The following REEP4 variants were observed in gnomAD, a reference collection of about 807,000 sequenced individuals.
The protein encoded by REEP4 is receptor expression-enhancing protein 4.
A neutral mutation model predicts 33.5 loss-of-function variants in REEP4; 17 were observed. The observed-to-expected ratio is 0.51, with a 90% confidence interval of 0.35 to 0.76. REEP4 has a LOEUF of 0.76. Among genes scored for constraint, REEP4 ranks in the 30% least tolerant of loss-of-function variants. The pLI, the probability that REEP4 is intolerant of heterozygous loss-of-function variation, is 0.01. For missense variants in REEP4, 340 were observed against 357.9 expected (o/e 0.95, Z 0.40); for synonymous variants, 157 against 142.9 (o/e 1.10, Z -0.70).
In REEP4 at chr8:22,141,496, G is replaced by A. The variant is rs1363672738; in HGVS notation, c.-14C>T. 7.6e-6 allele frequency: 12 copies of A among 1,587,974 alleles called. No individual in the cohort carries two copies. The highest frequency in any genetic ancestry group is 1.0e-5 in the Non-Finnish European group (12 of 1,168,484). ...CCAGGACACCATCTTGCCGGCCTTT[G>A]GGACGTGGGGAGGACCCCAGGAAGC... On this transcript the variant is annotated 5_prime_UTR_variant, in exon 1 of 8. Coordinates refer to ENST00000306306, the MANE Select transcript of REEP4 (RefSeq NM_025232.4).
intron 1 of REEP4, 79 bp from the exon 2 acceptor site, chr8:22,140,776 G>C (rs1827217254): frequency 4.7e-6 from 6 of 1,281,950 alleles, no homozygotes; most frequent in Non-Finnish European, 6.6e-6. Context: ...CCCCCCACTG[G>C]GGTGCAAGGT....
chr8:22,141,138 C>A (rs1488739738), intron 1 of REEP4, among the ~76,000 whole-genome samples: 1 of 152,260 alleles, frequency 6.6e-6, no homozygotes, highest in African/African-American at 2.4e-5. Context: ...GGATTCTCCG[C>A]CCACAACGTG....
intron 5 of REEP4, 94 bp downstream of exon 5, chr8:22,139,322 G>A: frequency 8.9e-7 from 1 of 1,117,690 alleles, no homozygotes; most frequent in Non-Finnish European, 1.3e-6. Flanking sequence ...CTCCCCGGCT[G>A]CCATCTCTGG....
intron 4 of REEP4, 92 bp downstream of exon 4, chr8:22,139,871 C>A: frequency 1.4e-6 from 2 of 1,475,528 alleles, no homozygotes; most frequent in East Asian, 2.5e-5. Flanking sequence ...TGGGATAGAA[C>A]CCCGGTGTCC....
In REEP4 at chr8:22,140,710, C is replaced by A. The variant is rs193285308; in HGVS notation, c.33-13G>T. On this transcript the variant is annotated splice_polypyrimidine_tract_variant and intron_variant, in intron 1 of 7. Transcript: ENST00000306306. ...CCCAAACACCAGCCTGGAAGAGCAG[C>A]CATGGGGAGTGTGAGGGGCACCATG... 1.9e-5 allele frequency: 30 copies of A among 1,608,142 alleles called. No individual in the cohort carries two copies. The highest frequency in any genetic ancestry group is 2.4e-5 in the Non-Finnish European group (28 of 1,176,988).
In REEP4 at chr8:22,138,993, TGCGTCAGA is replaced by T. The variant is rs1293195462; in HGVS notation, c.478_485del (p.Ser160ThrfsTer7). The T allele has an allele frequency of 6.2e-7, 1 of 1,607,594 alleles. No homozygotes were observed. The highest frequency in any genetic ancestry group is 8.5e-7 in the Non-Finnish European group (1 of 1,177,532). On this transcript the variant is annotated frameshift_variant, in exon 6 of 8. Coordinates refer to ENST00000306306, the MANE Select transcript of REEP4 (RefSeq NM_025232.4). LOFTEE classifies it high-confidence loss of function. ...GGGGGTCATGGTAGGCAGGGGCAGG[TGCGTCAGA>T]GATGGAGCGCAGGTCCTGCATGGAG...
Position 22,138,207 on chromosome 8 carries a change from G to A in REEP4, c.*280C>T. 2 of 622,452 alleles carry A rather than the reference G, an allele frequency of 3.2e-6. No homozygotes were observed. The highest frequency in any genetic ancestry group is 2.7e-5 in the East Asian group (1 of 36,530). The allele number at this position is 622,452 out of a possible 1,614,324, so 38.6% of individuals were successfully genotyped here. On this transcript the variant is annotated 3_prime_UTR_variant, in exon 8 of 8. Transcript: ENST00000306306. ...TTGCAGGGGTTCAGGGAGGGTTGCA[G>A]GGGTTCAGGGAGGGCTCTTGTCCCA...
At chr8:22,138,831 C>G in intron 6 of REEP4, 38 bp from the exon 7 acceptor site, 1 of 1,566,816 alleles carries the variant, frequency 6.4e-7, no homozygotes, top group Admixed American at 2.1e-5. Context: ...AGCCTGCGAC[C>G]AGGCCAGCCC....
chr8:22,140,457 G>A (rs1293516231), intron 2 of REEP4, 168 bp downstream of exon 2: 14 of 690,732 alleles, frequency 2.0e-5, no homozygotes, highest in African/African-American at 1.1e-4. Flanking sequence ...CAGGCACCCC[G>A]ATGGCCTGCC....
In REEP4 at chr8:22,138,708, C is replaced by T; in HGVS notation, c.639G>A (p.Arg213=). The stretch of plus-strand genomic sequence containing the variant: ...TGCGGATTAGGGGCTTCTCTCGGGG[C>T]CGGGCTGGCGCCCGGGGGACTGCCT... The part of the protein sequence containing the change: ...DTEAVPRAPA[R]PREKPLIRSQ... Residue 213 remains arginine (R), a synonymous_variant, in exon 7 of 8, where the codon CGG becomes CGA. Coordinates refer to ENST00000306306, the MANE Select transcript of REEP4 (RefSeq NM_025232.4). 1 of 1,613,024 alleles carries T rather than the reference C, an allele frequency of 6.2e-7. No homozygotes were observed. Among genetic ancestry groups the T allele is most frequent in the Non-Finnish European group, 8.5e-7 (1 of 1,179,796 alleles).
Position 22,138,459 on chromosome 8 carries a change from G to C in REEP4, c.*28C>G, listed in dbSNP as rs1275231098. The C allele has an allele frequency of 2.5e-6, 4 of 1,611,822 alleles. No homozygotes were observed. The highest frequency in any genetic ancestry group is 3.4e-6 in the Non-Finnish European group (4 of 1,179,736). ...AGCCCTGGAGCCCTGCAGGGCACGA[G>C]GTAAGAAGGGGGCAGATGCAGCAGA... On this transcript the variant is annotated 3_prime_UTR_variant, in exon 8 of 8. Transcript: ENST00000306306.
Position 22,140,155 on chromosome 8 carries a change from G to C in REEP4, c.182+17C>G. 1.2e-6 allele frequency: 2 copies of C among 1,613,784 alleles called. No individual in the cohort carries two copies. Among genetic ancestry groups the C allele is most frequent in the Non-Finnish European group, 1.7e-6 (2 of 1,179,952 alleles). ...GGGCCACCCCTGACCCATGGCTTGC[G>C]GACCCTGCGTCCATACCAGGAGATA... On this transcript the variant is annotated intron_variant, in intron 3 of 7. Transcript: ENST00000306306.
At position 22,141,842 on chromosome 8, in the gene REEP4, C is replaced by T. The variant is rs1282564986; in HGVS notation, c.-360G>A. On this transcript the variant is annotated 5_prime_UTR_variant, in exon 1 of 8. Transcript: ENST00000306306. ...GCGGGTCGCCGCGGTTCCAGCGCGC[C>T]GGGCCACCAGCACCGGCCTACAGGG... 2.1e-5 allele frequency: 6 copies of T among 279,954 alleles called. No individual in the cohort carries two copies. Among genetic ancestry groups the T allele is most frequent in the East Asian group, 1.9e-4 (3 of 15,428 alleles). The allele number at this position is 279,954 out of a possible 1,614,324, so 17.3% of individuals were successfully genotyped here. A position where few individuals can be genotyped will look rare whatever the true frequency, so the allele number is the denominator to read the frequency against.
In REEP4 at chr8:22,141,600, T is replaced by C; in HGVS notation, c.-118A>G. 5.5e-6 allele frequency: 6 copies of C among 1,099,166 alleles called. No homozygotes were observed. Among genetic ancestry groups the C allele is most frequent in the South Asian group, 1.7e-5 (1 of 58,950 alleles). 68.1% of individuals were successfully genotyped at this position (1,099,166 alleles called of 1,614,324 possible). On this transcript the variant is annotated 5_prime_UTR_variant, in exon 1 of 8. Coordinates refer to ENST00000306306, the MANE Select transcript of REEP4 (RefSeq NM_025232.4). ...GCGGGAAGCAGAGGGGCGATCCGGC[T>C]GTCCCTCGGCGGAGGCAGAGCCCGC...
At chr8:22,141,414 C>T in intron 1 of REEP4, 37 bp downstream of exon 1, 1 of 1,593,818 alleles carries the variant, frequency 6.3e-7, no homozygotes, top group Admixed American at 1.8e-5. Context: ...GGGACGGCAC[C>T]CCGGGGTAGA....
At chr8:22,139,203 A>C (rs1210279904) in intron 5 of REEP4, 142 bp from the exon 6 acceptor site, 1 of 1,204,928 alleles carries the variant, frequency 8.3e-7, no homozygotes, top group Non-Finnish European at 1.2e-6. Context: ...AGGAAACCAA[A>C]GTCAGAGAGC....
At position 22,138,588 on chromosome 8, in the gene REEP4, G is replaced by A. The variant is rs752632213; in HGVS notation, c.709-36C>T. 1.5e-5 allele frequency: 25 copies of A among 1,613,756 alleles called. No individual in the cohort carries two copies. The Admixed American group carries it at 2.0e-4, about 13-fold the overall frequency. On this transcript the variant is annotated intron_variant, in intron 7 of 7. Transcript: ENST00000306306. ...GGGAGGCACAGCATGAGGGTGTGGG[G>A]AGCACCAGCCAGCAGAGCCCTCCTC...
In REEP4 at chr8:22,138,470, G is replaced by A. The variant is rs1420484540; in HGVS notation, c.*17C>T. 7 of 1,612,802 alleles carry A rather than the reference G, an allele frequency of 4.3e-6. No individual in the cohort carries two copies. The highest frequency in any genetic ancestry group is 5.9e-6 in the Non-Finnish European group (7 of 1,179,972). ...CCTGCAGGGCACGAGGTAAGAAGGG[G>A]GCAGATGCAGCAGACCCTAGCTGTC... On this transcript the variant is annotated 3_prime_UTR_variant, in exon 8 of 8. Coordinates refer to ENST00000306306, the MANE Select transcript of REEP4 (RefSeq NM_025232.4).
In REEP4 at chr8:22,139,542, T is replaced by A. The variant is rs781752683; in HGVS notation, c.304-13A>T. ...ACGCGTCGATCTCCTGTGGACCCAATGGGGAGGAGAGCTCAGGTGGACAGC... is the reference window on the plus strand; with the variant it reads ...ACGCGTCGATCTCCTGTGGACCCAAAGGGGAGGAGAGCTCAGGTGGACAGC... On this transcript the variant is annotated splice_polypyrimidine_tract_variant and intron_variant, in intron 4 of 7. Coordinates refer to ENST00000306306, the MANE Select transcript of REEP4 (RefSeq NM_025232.4). 1 of 1,592,008 alleles carries A rather than the reference T, an allele frequency of 6.3e-7. No homozygotes were observed. The highest frequency in any genetic ancestry group is 8.6e-7 in the Non-Finnish European group (1 of 1,168,684).
Sources: gnomAD v4.1 joint callset for allele counts (sites outside exome capture counted in the v4.1 genomes callset) on GRCh38, gnomAD v4.1.1 for gene constraint, MANE v1.5 for transcripts, NCBI Gene and HGNC (gene_info 2026-07-23, HGNC 2026-07-21) for gene names.